The following CCDC66 variants were observed in gnomAD, a reference collection of about 807,000 sequenced individuals.
CCDC66 encodes the protein coiled-coil domain containing 66.
Under a neutral mutation model 128.3 loss-of-function variants are expected in CCDC66, and 133 were observed. The observed-to-expected ratio is 1.04, with a 90% CI of 0.90 to 1.20. The LOEUF (loss-of-function observed/expected upper bound fraction) is 1.20. CCDC66 is among the 50% of genes most tolerant of loss of function. CCDC66 has a pLI of 0.00. For missense variants in CCDC66, 1,126 were observed against 1,075.5 expected (o/e 1.05, Z -0.66); for synonymous variants, 387 against 357.0 (o/e 1.08, Z -0.95).
intron 10 of CCDC66, among the ~76,000 whole-genome samples, chr3:56,612,536 G>A (rs1203257946): frequency 2.0e-5 from 3 of 152,164 alleles, no homozygotes; most frequent in Non-Finnish European, 4.4e-5. Context: ...AATGGTGACA[G>A]TGGGTTGGGT....
rs563159726 is a variant in CCDC66, at chr3:56,589,811, CTAAT to C, written c.937-3156_937-3153del. Among the ~76,000 whole-genome samples the C allele has an allele frequency of 2.0e-3, 300 of 152,226 alleles. 12 individuals are homozygous for C. The South Asian group carries it at 0.057, about 29-fold the overall frequency. On this transcript the variant is annotated intron_variant, in intron 7 of 17. Coordinates refer to ENST00000394672, the MANE Select transcript of CCDC66 (RefSeq NM_001141947.3). ...TATATTTTTAAAAACTAAACATTCA[CTAAT>C]TAGACAACCCAATTTTTTTAATTGG... is the stretch of plus-strand genomic sequence containing the variant.
At chr3:56,611,525 C>T (rs907080203) in intron 10 of CCDC66, among the ~76,000 whole-genome samples, 1 of 151,556 alleles carries the variant, frequency 6.6e-6, no homozygotes, top group Non-Finnish European at 1.5e-5. Flanking sequence ...TTTAGTTCTT[C>T]CCCCACCTGT....
chr3:56,580,904 G>A, intron 7 of CCDC66, among the ~76,000 whole-genome samples: 1 of 151,662 alleles, frequency 6.6e-6, no homozygotes, highest in East Asian at 2.0e-4. Context: ...TGCTCTTCTT[G>A]AGGAGTATCT....
chr3:56,597,170 C>T (rs2072133151), intron 10 of CCDC66, among the ~76,000 whole-genome samples: 1 of 151,956 alleles, frequency 6.6e-6, no homozygotes, highest in African/African-American at 2.4e-5. Flanking sequence ...CTTTCCCCAA[C>T]TATGTTCTTG....
chr3:56,564,128 A>G lies in CCDC66; in HGVS notation c.544+3A>G. 6.3e-7 allele frequency: 1 copy of G among 1,579,906 alleles called. No individual in the cohort carries two copies. The highest frequency in any genetic ancestry group is 1.4e-5 in the African/African-American group (1 of 73,122). ...TGAGAATGGAAAGGAGGCAAAAAGT[A>G]AGATTTTTCTAAAGTTTTCATGAAT... On this transcript the variant is annotated splice_donor_region_variant and intron_variant, in intron 4 of 17. Coordinates refer to ENST00000394672, the MANE Select transcript of CCDC66 (RefSeq NM_001141947.3).
Position 56,621,583 on chromosome 3 carries a change from G to A in CCDC66, c.2812G>A (p.Glu938Lys). ...ELESSLLPLA[E>K]NQEESFGSSF ...GGAAAGTAGTCTCCTGCCTTTAGCT[G>A]AAAATCAAGAAGAGAGTTTTGGTTC... The change falls in exon 18 of 18, where the codon GAA becomes AAA. Residue 938 changes from glutamate (E) to lysine (K), a missense_variant. Coordinates refer to ENST00000394672, the MANE Select transcript of CCDC66 (RefSeq NM_001141947.3). 6.2e-7 allele frequency: 1 copy of A among 1,600,540 alleles called. No individual in the cohort carries two copies. Among genetic ancestry groups the A allele is most frequent in the South Asian group, 1.1e-5 (1 of 88,284 alleles).
At chr3:56,558,494 G>T (rs1422638644) in intron 1 of CCDC66, among the ~76,000 whole-genome samples, 1 of 152,170 alleles carries the variant, frequency 6.6e-6, no homozygotes, top group African/African-American at 2.4e-5. Flanking sequence ...CTAATGAATG[G>T]CGGTTAAATA....
chr3:56,574,898 T>A (rs1577376207), intron 7 of CCDC66, among the ~76,000 whole-genome samples: 1 of 151,818 alleles, frequency 6.6e-6, no homozygotes, highest in Non-Finnish European at 1.5e-5. Context: ...CTAAATAACA[T>A]CCTATTGTAT....
chr3:56,560,692 C>A lies in CCDC66; in HGVS notation c.102+1098C>A, dbSNP rs2064984961. On this transcript the variant is annotated intron_variant, in intron 3 of 17. Coordinates refer to ENST00000394672, the MANE Select transcript of CCDC66 (RefSeq NM_001141947.3). ...CCGAGATCGCACCACTGCACTCCAGCCTGGGGGACAGAGCGAAATTCCTTC... is the reference window on the plus strand; with the variant it reads ...CCGAGATCGCACCACTGCACTCCAGACTGGGGGACAGAGCGAAATTCCTTC... Among the ~76,000 whole-genome samples, 3 of 152,190 alleles carry A rather than the reference C, an allele frequency of 2.0e-5. No homozygotes were observed. The South Asian group carries it at 6.2e-4, about 31-fold the overall frequency.
chr3:56,563,240 A>G lies in CCDC66; in HGVS notation c.103-444A>G, dbSNP rs567176968. 1.9e-3 allele frequency among the ~76,000 whole-genome samples: 291 copies of G among 152,144 alleles called. 2 individuals carry two copies. Among genetic ancestry groups the G allele is most frequent in the Middle Eastern group, 0.01 (3 of 294 alleles). On this transcript the variant is annotated intron_variant, in intron 3 of 17. Transcript: ENST00000394672. ...GCCAGGCTTGGTGGTGGGCACCTGTAATCCCAGCTACTCAGGTGGCTGAGG... is the reference window on the plus strand; with the variant it reads ...GCCAGGCTTGGTGGTGGGCACCTGTGATCCCAGCTACTCAGGTGGCTGAGG...
intron 7 of CCDC66, among the ~76,000 whole-genome samples, chr3:56,587,933 C>T (rs1280685221): frequency 1.3e-5 from 2 of 152,224 alleles, no homozygotes; most frequent in Non-Finnish European, 2.9e-5. Flanking sequence ...TCAGCATTCT[C>T]ACTACTGGGT....
At chr3:56,557,594 G>C in intron 1 of CCDC66, 1 of 352,794 alleles carries the variant, frequency 2.8e-6, no homozygotes, top group East Asian at 5.3e-5. Context: ...GGCTCCTGGG[G>C]AGGACTCCTG....
At position 56,557,242 on chromosome 3, in the gene CCDC66, C is replaced by T. The variant is rs1036693030; in HGVS notation, c.-1C>T. 2.8e-6 allele frequency: 3 copies of T among 1,065,710 alleles called. No individual in the cohort carries two copies. The highest frequency in any genetic ancestry group is 2.7e-5 in the East Asian group (1 of 36,666). 66.0% of individuals were successfully genotyped at this position (1,065,710 alleles called of 1,614,324 possible). ...CTGTGGAGAGAGTGCGAGGTCAGGC[C>T]ATGAACTTGGGGTAAGCAGGGGTAA... On this transcript the variant is annotated 5_prime_UTR_variant, in exon 1 of 18. Transcript: ENST00000394672.
chr3:56,616,308 G>GA (rs879644016), intron 13 of CCDC66: 1 of 353,494 alleles, frequency 2.8e-6, no homozygotes, highest in South Asian at 2.6e-5. Flanking sequence ...GATCACTCTA[G>GA]AAACACTGTA....
intron 4 of CCDC66, among the ~76,000 whole-genome samples, chr3:56,565,917 T>G (rs976302027): frequency 1.3e-5 from 2 of 151,606 alleles, no homozygotes; most frequent in African/African-American, 4.8e-5. Context: ...CCGCCCACCT[T>G]GGCCTCCCAA....
At chr3:56,599,971 G>C (rs533556356) in intron 10 of CCDC66, among the ~76,000 whole-genome samples, 1 of 152,084 alleles carries the variant, frequency 6.6e-6, no homozygotes, top group African/African-American at 2.4e-5. Context: ...TGAGAATTAT[G>C]GTTTCCAGCT....
rs865920825 is a variant in CCDC66 at position 56,593,602 on chromosome 3, GTC to G, written c.1185_1186del (p.Pro396Ter). On this transcript the variant is annotated frameshift_variant, in exon 9 of 18. Transcript: ENST00000394672. LOFTEE classifies it high-confidence loss of function. ...ACACAAACAACCTGAGTACTTCTGTGTCTCTCCTGACACTCAGGAGCTGGCTG... is the reference window on the plus strand; with the variant it reads ...ACACAAACAACCTGAGTACTTCTGTGTCTCCTGACACTCAGGAGCTGGCTG... ...STHKQPEYFC[V>X]SPDTQELADV... is the part of the protein sequence containing the mutation. The G allele has an allele frequency of 4.3e-6, 7 of 1,614,040 alleles. No homozygotes were observed. Among genetic ancestry groups the G allele is most frequent in the Non-Finnish European group, 5.9e-6 (7 of 1,180,032 alleles).
chr3:56,609,919 G>T (rs149953151), intron 10 of CCDC66, among the ~76,000 whole-genome samples: 214 of 152,290 alleles, frequency 1.4e-3, no homozygotes, highest in Non-Finnish European at 2.4e-3. Context: ...CTTCTAGCTT[G>T]TAGGGTTTCT....
At chr3:56,565,163 T>C in intron 4 of CCDC66, 1 of 424,286 alleles carries the variant, frequency 2.4e-6, no homozygotes, top group Admixed American at 2.5e-5. Flanking sequence ...ATGAAAAGGT[T>C]TTCCACTGAT....
Sources: gnomAD v4.1 joint callset for allele counts (sites outside exome capture counted in the v4.1 genomes callset) on GRCh38, gnomAD v4.1.1 for gene constraint, MANE v1.5 for transcripts, NCBI Gene and HGNC (gene_info 2026-07-23, HGNC 2026-07-21) for gene names.